The following CELF2 variants were observed in gnomAD, a reference collection of about 807,000 sequenced individuals.
The protein encoded by CELF2 is CUGBP Elav-like family member 2.
A neutral mutation model predicts 62.6 loss-of-function variants in CELF2; 8 were observed. That is an observed-to-expected ratio of 0.13 (90% confidence interval 0.07 to 0.23). The LOEUF is 0.23. CELF2 is among the 10% of genes least tolerant of loss of function. CELF2 has a pLI of 1.00. For synonymous variants in CELF2, 258 were observed against 250.0 expected (o/e 1.03, Z -0.30); for missense variants, 333 against 671.0 (o/e 0.50, Z 5.56).
Position 11,330,239 on chromosome 10 carries a change from C to T in CELF2, c.*1186C>T, listed in dbSNP as rs549574032. On this transcript the variant is annotated 3_prime_UTR_variant, in exon 13 of 13. Transcript: ENST00000633077. The surrounding 1 kb of genome is among the most constrained non-coding windows in gnomAD (Gnocchi z 4.5). ...CCCCTGTCCCTCACCCCAAAACACC[C>T]GGAATCCATCCCGTTTCGCTCTCTC... 1 of 152,716 alleles carries T rather than the reference C, an allele frequency of 6.5e-6. No homozygotes were observed. Among genetic ancestry groups the T allele is most frequent in the South Asian group, 2.1e-4 (1 of 4,824 alleles). The allele number at this position is 152,716 out of a possible 1,614,324, so 9.5% of individuals were successfully genotyped here. A position where few individuals can be genotyped will look rare whatever the true frequency, so the allele number is the denominator to read the frequency against.
chr10:10,566,241 C>A, the CELF2 span, among the ~76,000 whole-genome samples: 2 of 151,810 alleles, frequency 1.3e-5, no homozygotes, highest in South Asian at 2.1e-4. Flanking sequence ...TAGATGGGAT[C>A]AAACTGAGGT....
chr10:10,874,850 T>C (rs984134625), intron 1 of CELF2, among the ~76,000 whole-genome samples: 1 of 152,142 alleles, frequency 6.6e-6, no homozygotes, highest in African/African-American at 2.4e-5. Context: ...ACTAATAATA[T>C]GACGTTGAAG....
At chr10:11,053,873 C>T (rs530159639) in intron 1 of CELF2, among the ~76,000 whole-genome samples, 2 of 152,228 alleles carry the variant, frequency 1.3e-5, no homozygotes, top group South Asian at 4.1e-4. Context: ...CTCGGCCTCC[C>T]AAAGTGCTGG....
chr10:11,059,494 CT>C (rs2066188673), intron 1 of CELF2, among the ~76,000 whole-genome samples: 1 of 152,274 alleles, frequency 6.6e-6, no homozygotes, highest in South Asian at 2.1e-4. Flanking sequence ...CTAGCACGGT[CT>C]TTTTAAGGCT....
At chr10:11,040,192 G>A (rs79977649) in intron 1 of CELF2, among the ~76,000 whole-genome samples, 2,563 of 152,294 alleles carry the variant, frequency 0.017, 71 homozygotes, top group African/African-American at 0.058. Flanking sequence ...TTTCATTTAT[G>A]TATCTGACTG....
At chr10:11,062,985 C>T (rs1039925159) in intron 1 of CELF2, among the ~76,000 whole-genome samples, 4 of 152,196 alleles carry the variant, frequency 2.6e-5, no homozygotes, top group African/African-American at 9.6e-5. Flanking sequence ...AGGCAGGACC[C>T]TCCACCAGCA....
chr10:11,210,665 C>T (rs2061571203), intron 2 of CELF2, among the ~76,000 whole-genome samples: 2 of 152,204 alleles, frequency 1.3e-5, no homozygotes, highest in Non-Finnish European at 2.9e-5. Context: ...TTTCTCCTTG[C>T]TTCAGGCGGG....
chr10:10,910,460 C>T (rs974642995), intron 1 of CELF2, among the ~76,000 whole-genome samples: 6 of 151,860 alleles, frequency 4.0e-5, no homozygotes, highest in African/African-American at 7.3e-5. Context: ...TTTGGGAGGC[C>T]GAGGTGGGCA....
chr10:11,142,762 A>C (rs2132308081), intron 1 of CELF2, among the ~76,000 whole-genome samples: 1 of 151,776 alleles, frequency 6.6e-6, no homozygotes, highest in African/African-American at 2.4e-5. Flanking sequence ...ACACACCTGT[A>C]GTTAGGAAAA....
rs1298139471 is a variant in CELF2 at position 11,321,811 on chromosome 10, A to G, written c.1294+425A>G. On this transcript the variant is annotated intron_variant, in intron 11 of 12. Coordinates refer to ENST00000633077, the MANE Select transcript of CELF2 (RefSeq NM_001326342.2). This position sits in a 1 kb window ranked among gnomAD's most constrained non-coding sequence, Gnocchi z 6.2. ...TGAAGTTCTTGTCCATTGTATATTTATATACCACTCTGGCTTTGTTGATAA... is the reference window on the plus strand; with the variant it reads ...TGAAGTTCTTGTCCATTGTATATTTGTATACCACTCTGGCTTTGTTGATAA... Among the ~76,000 whole-genome samples the G allele has an allele frequency of 6.6e-6, 1 of 152,188 alleles. No homozygotes were observed.
At chr10:11,229,188 C>G (rs1242429315) in intron 3 of CELF2, among the ~76,000 whole-genome samples, 2 of 152,144 alleles carry the variant, frequency 1.3e-5, no homozygotes, top group Admixed American at 1.3e-4. Context: ...AAACCATGCC[C>G]CCGTGATTTC....
chr10:11,320,897 C>T (rs907747833), intron 10 of CELF2: 19 of 1,546,682 alleles, frequency 1.2e-5, no homozygotes, highest in Middle Eastern at 1.7e-4. Flanking sequence ...AAGATAACAA[C>T]GGTACTTGCC....
rs2082412546 is a variant in CELF2, at chr10:11,267,272, T to C, written c.618+595T>C. ...AAAGATGAGCAATAACAAAGAAACA[T>C]AATAAAGGCTCAAATGTGGTCTCCT... is the stretch of plus-strand genomic sequence containing the variant. On this transcript the variant is annotated intron_variant, in intron 6 of 12. Transcript: ENST00000633077. This position sits in a 1 kb window ranked among gnomAD's most constrained non-coding sequence, Gnocchi z 4.4. Among the ~76,000 whole-genome samples, 1 of 152,170 alleles carries C rather than the reference T, an allele frequency of 6.6e-6. No individual in the cohort carries two copies. Among genetic ancestry groups the C allele is most frequent in the African/African-American group, 2.4e-5 (1 of 41,428 alleles).
chr10:11,250,589 G>A (rs2076849075), intron 4 of CELF2, among the ~76,000 whole-genome samples: 1 of 152,206 alleles, frequency 6.6e-6, no homozygotes, highest in South Asian at 2.1e-4. Flanking sequence ...GTTGCTAGGA[G>A]CTGGGGCTGC....
At chr10:10,988,407 C>T (rs1200477107) in intron 2 of CELF2, among the ~76,000 whole-genome samples, 4 of 151,906 alleles carry the variant, frequency 2.6e-5, no homozygotes, top group African/African-American at 9.7e-5. Flanking sequence ...AGTGAAGTAA[C>T]TCAGGAATGG....
the CELF2 span, among the ~76,000 whole-genome samples, chr10:10,694,845 T>C: frequency 6.6e-6 from 1 of 151,614 alleles, no homozygotes; most frequent in Non-Finnish European, 1.5e-5. Context: ...CCCTGCCTTT[T>C]TTTGTTTTCC....
chr10:10,732,886 G>T, the CELF2 span, among the ~76,000 whole-genome samples: 1 of 152,106 alleles, frequency 6.6e-6, no homozygotes, highest in Non-Finnish European at 1.5e-5. Flanking sequence ...CAAGGAGCCA[G>T]GTTTCAGCAG....
At chr10:11,326,827 T>C (rs2095762151) in intron 12 of CELF2, among the ~76,000 whole-genome samples, 1 of 152,082 alleles carries the variant, frequency 6.6e-6, no homozygotes. Context: ...TTCATGCTGG[T>C]GGGAAATAGT....
intron 1 of CELF2, among the ~76,000 whole-genome samples, chr10:10,822,956 C>A (rs891306813): frequency 2.0e-5 from 3 of 152,016 alleles, no homozygotes; most frequent in Non-Finnish European, 4.4e-5. Context: ...ATTTGTGAGG[C>A]AAGGTTAAAT....
Sources: gnomAD v4.1 joint callset for allele counts (sites outside exome capture counted in the v4.1 genomes callset) on GRCh38, gnomAD v4.1.1 for gene constraint, Gnocchi (gnomAD v3.1) non-coding constraint, MANE v1.5 for transcripts, NCBI Gene and HGNC (gene_info 2026-07-23, HGNC 2026-07-21) for gene names.